The following PTPN21 variants were observed in gnomAD, a reference collection of about 807,000 sequenced individuals.
PTPN21 encodes tyrosine-protein phosphatase non-receptor type 21.
In PTPN21, 77 loss-of-function variants were observed where a neutral mutation model predicts 131.8. That is an observed-to-expected ratio of 0.58 (90% CI 0.49 to 0.71). The LOEUF (loss-of-function observed/expected upper bound fraction) is 0.71. Among genes scored for constraint, PTPN21 ranks in the 30% least tolerant of loss-of-function variants. The pLI, the probability that PTPN21 is intolerant of heterozygous loss-of-function variation, is 0.00. For missense variants in PTPN21, 1,552 were observed against 1,527.1 expected, an observed-to-expected ratio of 1.02 and a Z score of -0.27; for synonymous variants, 715 against 621.3, an observed-to-expected ratio of 1.15 and a Z score of -2.24.
At position 88,547,779 on chromosome 14, in the gene PTPN21, T is replaced by C. The variant is rs1447199582; in HGVS notation, c.180+2459A>G. The C allele has an allele frequency of 1.7e-5, 7 of 407,372 alleles. No individual in the cohort carries two copies. In the East Asian group the frequency reaches 3.8e-4, roughly 22 times the overall value. The allele number at this position is 407,372 out of a possible 1,614,324, so 25.2% of individuals were successfully genotyped here. ...CACTTTCCCCTCCTCTAATCTACCA[T>C]GAGGGGTCTGCGATGTCCTCTTTTT... On this transcript the variant is annotated intron_variant, in intron 2 of 18. Transcript: ENST00000556564.
At chr14:88,540,712 G>C (rs898733722) in intron 2 of PTPN21, among the ~76,000 whole-genome samples, 6 of 152,154 alleles carry the variant, frequency 3.9e-5, no homozygotes, top group Non-Finnish European at 5.9e-5. Context: ...ACCCAGGTTA[G>C]AGTGCAGTGG....
intron 2 of PTPN21, among the ~76,000 whole-genome samples, chr14:88,518,408 ATATATATTTTTTTTTTTTT>A (rs2078330697): frequency 5.4e-5 from 1 of 18,522 alleles, no homozygotes; most frequent in African/African-American, 1.3e-4. Flanking sequence ...ATATATATAT[ATATATATTTTTTTTTTTTT>A]TTTTTTTTTT....
At chr14:88,518,374 A>G (rs35150078) in intron 2 of PTPN21, among the ~76,000 whole-genome samples, 23,761 of 34,578 alleles carry the variant, frequency 0.69, 9,278 homozygotes, top group Non-Finnish European at 0.83. Context: ...GTGTGTGTGT[A>G]TGTGTGTGTG....
intron 2 of PTPN21, among the ~76,000 whole-genome samples, chr14:88,539,955 T>C (rs989139619): frequency 6.6e-6 from 1 of 152,218 alleles, no homozygotes; most frequent in African/African-American, 2.4e-5. Context: ...AGTATGCAAG[T>C]GTCTACATAT....
chr14:88,538,507 G>A (rs1035610155), intron 2 of PTPN21, among the ~76,000 whole-genome samples: 9 of 152,196 alleles, frequency 5.9e-5, no homozygotes, highest in African/African-American at 2.2e-4. Flanking sequence ...TGACACTCAT[G>A]TTCCTTCTCA....
chr14:88,479,671 A>C lies in PTPN21; in HGVS notation c.1760T>G (p.Ile587Ser). 8.0e-7 allele frequency: 1 copy of C among 1,256,536 alleles called. No homozygotes were observed. Among genetic ancestry groups the C allele is most frequent in the Non-Finnish European group, 1.0e-6 (1 of 981,414 alleles). The allele number at this position is 1,256,536 out of a possible 1,614,324, so 77.8% of individuals were successfully genotyped here. The change falls in exon 13 of 19, where the codon ATC becomes AGC. Residue 587 changes from isoleucine (I) to serine (S), a missense_variant. By Grantham distance (142) the Ile-to-Ser change is moderately radical (BLOSUM62 -2). Coordinates refer to ENST00000556564, the MANE Select transcript of PTPN21 (RefSeq NM_007039.4). ...STPDLSRHLY[I>S]SSSNPDLITR... Reference sequence around the variant, plus strand: ...GATGAGGTCGGGGTTGCTGCTGCTGATGTAAAGGTGGCGGGACAGGTCTGG... The same window carrying C: ...GATGAGGTCGGGGTTGCTGCTGCTGCTGTAAAGGTGGCGGGACAGGTCTGG...
Position 88,469,432 on chromosome 14 carries a change from T to G in PTPN21, c.3235+67A>C. On this transcript the variant is annotated intron_variant, in intron 17 of 18. Coordinates refer to ENST00000556564, the MANE Select transcript of PTPN21 (RefSeq NM_007039.4). This position sits in a 1 kb window ranked among gnomAD's most constrained non-coding sequence, Gnocchi z 4.3. The stretch of plus-strand genomic sequence containing the variant: ...ACATAAAGGAAATATTTCGGAAACA[T>G]AAATGTTCCTCTCTGTTTAACACCT... 1 of 1,329,844 alleles carries G rather than the reference T, an allele frequency of 7.5e-7. No homozygotes were observed. Among genetic ancestry groups the G allele is most frequent in the Non-Finnish European group, 1.1e-6 (1 of 930,066 alleles). The allele number at this position is 1,329,844 out of a possible 1,614,324, so 82.4% of individuals were successfully genotyped here.
chr14:88,473,135 G>A (rs74072656), intron 14 of PTPN21, among the ~76,000 whole-genome samples: 5,625 of 152,076 alleles, frequency 0.037, 351 homozygotes, highest in African/African-American at 0.13. Context: ...TCCATTTTAT[G>A]TCATACGATA....
At chr14:88,523,311 C>G (rs1279062412) in intron 2 of PTPN21, among the ~76,000 whole-genome samples, 1 of 151,904 alleles carries the variant, frequency 6.6e-6, no homozygotes, top group Non-Finnish European at 1.5e-5. Flanking sequence ...AATCATTATA[C>G]CATATTACTA....
In PTPN21 at chr14:88,473,690, G is replaced by A; in HGVS notation, c.2624C>T (p.Ala875Val). ...CCTTTCATCATTCGTTGCTCTGGTA[G>A]CCACTTCCTTTCCTTCATCAGGCAG... The part of the protein sequence containing the change: ...VPLPDEGKEV[A>V]TRATNDERCK... The change falls in exon 14 of 19, where the codon GCT becomes GTT. Residue 875 changes from alanine (A) to valine (V), a missense_variant. Physicochemically the swap from Ala to Val is moderately conservative, Grantham distance 64. Coordinates refer to ENST00000556564, the MANE Select transcript of PTPN21 (RefSeq NM_007039.4). The A allele has an allele frequency of 6.2e-7, 1 of 1,613,144 alleles. No homozygotes were observed.
chr14:88,531,663 A>G (rs1250482081), intron 2 of PTPN21, among the ~76,000 whole-genome samples: 2 of 151,886 alleles, frequency 1.3e-5, no homozygotes, highest in South Asian at 4.1e-4. Flanking sequence ...TGCCTGTATC[A>G]AAAAGTCTGA....
Position 88,479,055 on chromosome 14 carries a change from C to T in PTPN21, c.2376G>A (p.Leu792=), listed in dbSNP as rs371337531. 8.0e-5 allele frequency: 129 copies of T among 1,607,172 alleles called. 1 individual carries two copies. The African/African-American group carries it at 1.3e-3, about 16-fold the overall frequency. The change falls in exon 13 of 19, where the codon CTG becomes CTA. Residue 792 remains leucine, a synonymous_variant. Transcript: ENST00000556564. ...GGTCGGACTCCGACATGGAGGGCAT[C>T]AGCAGCCCGTCTCTCCAGGGCCGCT... is the stretch of plus-strand genomic sequence containing the variant. ...EAQRPWRDGL[L]MPSMSESDLT...
At chr14:88,547,324 CAAAG>C (rs2078796861) in intron 2 of PTPN21, among the ~76,000 whole-genome samples, 1 of 40,488 alleles carries the variant, frequency 2.5e-5, no homozygotes, top group Non-Finnish European at 5.7e-5. Flanking sequence ...TCGAAGCAAC[CAAAG>C]TAAATAAATA....
intron 4 of PTPN21, among the ~76,000 whole-genome samples, chr14:88,505,772 G>GAT (rs2078078459): frequency 6.6e-6 from 1 of 152,110 alleles, no homozygotes; most frequent in Non-Finnish European, 1.5e-5. Context: ...ATTACAGCAA[G>GAT]ATATATTTGT....
chr14:88,483,545 A>G lies in PTPN21; in HGVS notation c.1078+1531T>C, dbSNP rs573859930. On this transcript the variant is annotated intron_variant, in intron 12 of 18. Coordinates refer to ENST00000556564, the MANE Select transcript of PTPN21 (RefSeq NM_007039.4). ...TTACACCAGGGCCGACACAAACAAT[A>G]CAGTCACATCCCACCTTCTGGTCCC... 2.0e-5 allele frequency among the ~76,000 whole-genome samples: 3 copies of G among 152,204 alleles called. No individual in the cohort carries two copies. In the South Asian group the frequency reaches 6.2e-4, roughly 32 times the overall value.
intron 2 of PTPN21, among the ~76,000 whole-genome samples, chr14:88,521,801 C>G (rs2078398487): frequency 6.6e-6 from 1 of 152,064 alleles, no homozygotes; most frequent in Admixed American, 6.6e-5. Context: ...GGACTGTAGA[C>G]TGTTCCAAAT....
At chr14:88,525,607 CAGA>C (rs2078463434) in intron 2 of PTPN21, among the ~76,000 whole-genome samples, 1 of 152,128 alleles carries the variant, frequency 6.6e-6, no homozygotes, top group African/African-American at 2.4e-5. Context: ...CTAGTAGAAG[CAGA>C]AAATGGTTCA....
chr14:88,548,539 T>C (rs962269644), intron 2 of PTPN21, among the ~76,000 whole-genome samples: 3 of 152,168 alleles, frequency 2.0e-5, no homozygotes, highest in Admixed American at 2.0e-4. Flanking sequence ...TCTACTTCCC[T>C]TATCACAGCA....
chr14:88,472,564 CA>C, intron 14 of PTPN21, 99 bp from the exon 15 acceptor site: 1 of 776,350 alleles, frequency 1.3e-6, no homozygotes, highest in South Asian at 1.8e-5. Context: ...TCAAATCTAG[CA>C]CTGTATAATA....
Sources: gnomAD v4.1 joint callset for allele counts (sites outside exome capture counted in the v4.1 genomes callset) on GRCh38, gnomAD v4.1.1 for gene constraint, Gnocchi (gnomAD v3.1) non-coding constraint, MANE v1.5 for transcripts, NCBI Gene and HGNC (gene_info 2026-07-23, HGNC 2026-07-21) for gene names.